CHST11: variants seen among roughly 807,000 people sequenced by gnomAD.
CHST11 encodes C4S-1.
A neutral mutation model predicts 30.4 loss-of-function variants in CHST11; 9 were observed. The observed-to-expected ratio is 0.30, with a 90% CI of 0.18 to 0.52. The LOEUF is 0.52. CHST11 is among the 20% of genes least tolerant of loss of function. The probability of loss-of-function intolerance (pLI) is 0.97; values close to 1 mark genes in which losing one functional copy is unlikely to be tolerated. For missense variants in CHST11, 348 were observed against 460.6 expected, an observed-to-expected ratio of 0.76 and a Z score of 2.24; for synonymous variants, 152 against 187.8, an observed-to-expected ratio of 0.81 and a Z score of 1.56.
chr12:104,695,908 C>T (rs1462949286), intron 2 of CHST11, among the ~76,000 whole-genome samples: 2 of 152,132 alleles, frequency 1.3e-5, no homozygotes, highest in African/African-American at 2.4e-5. Flanking sequence ...CGATGAATAA[C>T]GTTATTGGAG....
intron 1 of CHST11, among the ~76,000 whole-genome samples, chr12:104,475,818 C>T (rs1429975861): frequency 7.0e-6 from 1 of 143,108 alleles, no homozygotes; most frequent in Non-Finnish European, 1.5e-5. Context: ...TGTATATATC[C>T]ATGGAAAAAT....
At chr12:104,548,554 C>T (rs377622507) in intron 1 of CHST11, among the ~76,000 whole-genome samples, 17 of 152,282 alleles carry the variant, frequency 1.1e-4, no homozygotes, top group East Asian at 5.8e-4. Flanking sequence ...ATCATGGTAA[C>T]GACACTAACA....
chr12:104,671,284 G>A (rs1386286983), intron 2 of CHST11, among the ~76,000 whole-genome samples: 2 of 152,194 alleles, frequency 1.3e-5, no homozygotes, highest in African/African-American at 2.4e-5. Context: ...GTGGGTGGTA[G>A]GGAAAAGCCT....
chr12:104,569,445 A>T (rs928581948), intron 1 of CHST11, among the ~76,000 whole-genome samples: 2 of 152,164 alleles, frequency 1.3e-5, no homozygotes, highest in Admixed American at 1.3e-4. Context: ...TTACAATCTC[A>T]GTTTTCTGTC....
intron 1 of CHST11, among the ~76,000 whole-genome samples, chr12:104,497,904 C>T (rs1183143180): frequency 7.0e-6 from 1 of 143,056 alleles, no homozygotes; most frequent in African/African-American, 2.6e-5. Context: ...ATCTTCCTGC[C>T]CCCTCTTTTT....
chr12:104,668,170 G>C (rs559942344), intron 2 of CHST11, among the ~76,000 whole-genome samples: 11 of 152,222 alleles, frequency 7.2e-5, no homozygotes, highest in Non-Finnish European at 1.2e-4. Context: ...AGAAAGTGAG[G>C]ACAGTATTTA....
chr12:104,495,781 A>G (rs2037792947), intron 1 of CHST11, among the ~76,000 whole-genome samples: 1 of 152,244 alleles, frequency 6.6e-6, no homozygotes, highest in Admixed American at 6.5e-5. Context: ...TCACACAACG[A>G]ACTGAAGCCT....
At chr12:104,611,634 C>T (rs897600918) in intron 2 of CHST11, among the ~76,000 whole-genome samples, 1 of 152,162 alleles carries the variant, frequency 6.6e-6, no homozygotes. Flanking sequence ...GTGACCAGGG[C>T]TTCACTCCCC....
At chr12:104,474,099 T>C (rs1239164039) in intron 1 of CHST11, among the ~76,000 whole-genome samples, 2 of 152,142 alleles carry the variant, frequency 1.3e-5, no homozygotes, top group Admixed American at 1.3e-4. Context: ...CTTATAAAGA[T>C]TTAGGGATTA....
intron 2 of CHST11, among the ~76,000 whole-genome samples, chr12:104,743,549 T>G (rs1325539649): frequency 1.3e-5 from 2 of 152,222 alleles, no homozygotes; most frequent in Non-Finnish European, 2.9e-5. Flanking sequence ...TGATTGTAGC[T>G]AACATTTAAG....
At chr12:104,699,652 A>G (rs1321040870) in intron 2 of CHST11, among the ~76,000 whole-genome samples, 1 of 152,208 alleles carries the variant, frequency 6.6e-6, no homozygotes, top group Non-Finnish European at 1.5e-5. Flanking sequence ...TTGACGCATA[A>G]CACGTGGTTT....
intron 1 of CHST11, among the ~76,000 whole-genome samples, chr12:104,565,869 C>A (rs1393517731): frequency 6.6e-6 from 1 of 152,232 alleles, no homozygotes; most frequent in East Asian, 1.9e-4. Context: ...GTACCACTTT[C>A]TCCCTGTGTT....
At chr12:104,719,463 G>A (rs1257196836) in intron 2 of CHST11, among the ~76,000 whole-genome samples, 2 of 152,088 alleles carry the variant, frequency 1.3e-5, no homozygotes, top group Non-Finnish European at 2.9e-5. Context: ...TGTCTCTCTC[G>A]TGCACAGGTG....
At chr12:104,606,929 A>G (rs1396337787) in intron 2 of CHST11, among the ~76,000 whole-genome samples, 1 of 152,048 alleles carries the variant, frequency 6.6e-6, no homozygotes, top group Non-Finnish European at 1.5e-5. Context: ...TTCGCCCGGC[A>G]TGGTGGCTCG....
chr12:104,726,674 G>A (rs2040219677), intron 2 of CHST11, among the ~76,000 whole-genome samples: 2 of 152,168 alleles, frequency 1.3e-5, no homozygotes, highest in South Asian at 4.1e-4. Context: ...GGTGTAATGG[G>A]CTGGGAAAGG....
At chr12:104,528,884 A>T (rs1349268110) in intron 1 of CHST11, among the ~76,000 whole-genome samples, 1 of 152,184 alleles carries the variant, frequency 6.6e-6, no homozygotes, top group African/African-American at 2.4e-5. Flanking sequence ...GTGCCATACC[A>T]CTGAATCCAC....
chr12:104,610,786 G>C (rs534904336), intron 2 of CHST11, among the ~76,000 whole-genome samples: 1 of 152,332 alleles, frequency 6.6e-6, no homozygotes, highest in African/African-American at 2.4e-5. Context: ...GGACCACGCA[G>C]ATCTCGGGAG....
At chr12:104,551,700 G>A (rs1039914986) in intron 1 of CHST11, among the ~76,000 whole-genome samples, 8 of 152,130 alleles carry the variant, frequency 5.3e-5, no homozygotes, top group Admixed American at 4.6e-4. Flanking sequence ...AGTATTTTTA[G>A]CCAAGTTGTG....
At chr12:104,536,981 C>A (rs1651362593) in intron 1 of CHST11, among the ~76,000 whole-genome samples, 1 of 152,188 alleles carries the variant, frequency 6.6e-6, no homozygotes, top group Admixed American at 6.5e-5. Flanking sequence ...GTCCTAATAA[C>A]TTTAGCTCCC....
Sources: gnomAD v4.1 joint callset for allele counts (sites outside exome capture counted in the v4.1 genomes callset) on GRCh38, gnomAD v4.1.1 for gene constraint, MANE v1.5 for transcripts, NCBI Gene and HGNC (gene_info 2026-07-23, HGNC 2026-07-21) for gene names.